Variants in PCNT observed in about 807,000 individuals in gnomAD.
PCNT encodes the protein pericentrin.
Under a neutral mutation model 380.4 loss-of-function variants are expected in PCNT, and 319 were observed. The ratio of observed to expected loss-of-function variants is 0.84; its 90% CI spans 0.77 to 0.92. The LOEUF is 0.92. PCNT is among the 40% of genes least tolerant of loss of function. The probability of loss-of-function intolerance (pLI) is 0.00; values close to 1 mark genes in which losing one functional copy is unlikely to be tolerated. For synonymous variants in PCNT, 1,845 were observed against 1,735.2 expected (o/e 1.06, Z -1.57); for missense variants, 4,400 against 4,255.3 (o/e 1.03, Z -0.95).
At chr21:46,444,293 C>G (rs1001473285) in intron 45 of PCNT, among the ~76,000 whole-genome samples, 3 of 152,082 alleles carry the variant, frequency 2.0e-5, no homozygotes, top group Non-Finnish European at 4.4e-5. Context: ...AAAGGGATAC[C>G]CCTGGTGCTC....
Position 46,363,870 on chromosome 21 carries a change from G to C in PCNT, c.2545G>C (p.Gly849Arg). 1 of 1,612,410 alleles carries C rather than the reference G, an allele frequency of 6.2e-7. No individual in the cohort carries two copies. The change falls in exon 14 of 47, where the codon GGG (glycine) becomes CGG (arginine). Residue 849 changes from glycine to arginine, a missense_variant. Physicochemically the swap from Gly to Arg is moderately radical, Grantham distance 125 (BLOSUM62 -2). Transcript: ENST00000359568. ...GCGGGAGCCGCCCACAGCCCAGGAC[G>C]GGGAGCTTGCTGCGCTCCACGTGAA... ...CGREPPTAQD[G>R]ELAALHVKED...
intron 1 of PCNT, chr21:46,324,885 G>C (rs1601726820): frequency 1.7e-5 from 17 of 985,326 alleles, no homozygotes; most frequent in Non-Finnish European, 1.9e-5. Flanking sequence ...CGCGTTTCTC[G>C]CGGCGTTGCA....
chr21:46,426,870 G>C (rs951071564), intron 33 of PCNT, among the ~76,000 whole-genome samples: 1 of 152,194 alleles, frequency 6.6e-6, no homozygotes, highest in Non-Finnish European at 1.5e-5. Context: ...TGGGATCAAA[G>C]CTTTGTGAGG....
chr21:46,389,512 G>C, intron 19 of PCNT, 81 bp downstream of exon 19: 1 of 1,154,352 alleles, frequency 8.7e-7, no homozygotes. Flanking sequence ...GGTGGATGCC[G>C]GTGCCAACGA....
At chr21:46,375,806 A>G (rs983755569) in intron 15 of PCNT, among the ~76,000 whole-genome samples, 13 of 152,176 alleles carry the variant, frequency 8.5e-5, no homozygotes, top group Admixed American at 1.3e-4. Flanking sequence ...TTTGGCCTCC[A>G]CCACCTCCTA....
At chr21:46,398,820 C>CTTTT (rs11331073) in intron 24 of PCNT, among the ~76,000 whole-genome samples, 2 of 114,560 alleles carry the variant, frequency 1.7e-5, no homozygotes, top group East Asian at 2.5e-4. Context: ...TTTTCTTTTT[C>CTTTT]TTTTTTTTTT....
chr21:46,403,585 C>T (rs2086515287), intron 27 of PCNT, among the ~76,000 whole-genome samples: 1 of 121,566 alleles, frequency 8.2e-6, no homozygotes, highest in Non-Finnish European at 1.7e-5. Context: ...GTGGCACATG[C>T]TCGGTGAGTG....
At chr21:46,389,599 G>A (rs965766978) in intron 19 of PCNT, among the ~76,000 whole-genome samples, 168 bp downstream of exon 19, 3 of 152,274 alleles carry the variant, frequency 2.0e-5, no homozygotes, top group Non-Finnish European at 2.9e-5. Context: ...CTACGAATGA[G>A]AGAATCTGTT....
rs761167163 is a variant in PCNT at position 46,438,421 on chromosome 21, C to T, written c.9273+84C>T. On this transcript the variant is annotated intron_variant, in intron 41 of 46. Transcript: ENST00000359568. ...GCTCCACCCCACAAGAGGCCGGGCT[C>T]CCTTTAGGGACCTGGGGATGTGGGC... The T allele has an allele frequency of 5.5e-4, 693 of 1,261,722 alleles. 3 individuals are homozygous for T. The highest frequency in any genetic ancestry group is 1.6e-3 in the South Asian group (130 of 82,904). 78.2% of individuals were successfully genotyped at this position (1,261,722 alleles called of 1,614,324 possible).
Position 46,390,763 on chromosome 21 carries a change from C to A in PCNT, c.3934C>A (p.Leu1312Met). The A allele has an allele frequency of 3.1e-6, 5 of 1,613,274 alleles. No individual in the cohort carries two copies. Among genetic ancestry groups the A allele is most frequent in the Non-Finnish European group, 8.5e-7 (1 of 1,179,862 alleles). ...TAQVVRKHQELLECLKEESAA... is the reference protein window; with the variant it reads ...TAQVVRKHQEMLECLKEESAA... ...ACAGGTTGTCAGGAAGCACCAGGAGCTGCTGGAGTGTTTGAAGGAGGAGAG... is the reference window on the plus strand; with the variant it reads ...ACAGGTTGTCAGGAAGCACCAGGAGATGCTGGAGTGTTTGAAGGAGGAGAG... Residue 1312 changes from leucine to methionine, a missense_variant, in exon 20 of 47, where the codon CTG (leucine) becomes ATG (methionine). By Grantham distance (15) the Leu-to-Met change is conservative (BLOSUM62 2). Coordinates refer to ENST00000359568, the MANE Select transcript of PCNT (RefSeq NM_006031.6).
At chr21:46,411,159 AT>A (rs1569267760) in intron 27 of PCNT, 29 bp from the exon 28 acceptor site, 1 of 1,610,146 alleles carries the variant, frequency 6.2e-7, no homozygotes, top group Admixed American at 1.7e-5. Context: ...GATACATTTA[AT>A]TTGCCTCTGA....
At chr21:46,372,768 G>T (rs567951138) in intron 15 of PCNT, among the ~76,000 whole-genome samples, 1 of 152,312 alleles carries the variant, frequency 6.6e-6, no homozygotes, top group African/African-American at 2.4e-5. Context: ...TCTTCACGTG[G>T]ACAGCTCTGG....
intron 27 of PCNT, among the ~76,000 whole-genome samples, chr21:46,409,992 C>T (rs970311412): frequency 5.9e-5 from 9 of 152,220 alleles, no homozygotes; most frequent in East Asian, 1.9e-4. Flanking sequence ...TGATTATGAC[C>T]GTCTTCAGTG....
intron 33 of PCNT, among the ~76,000 whole-genome samples, chr21:46,426,844 T>C (rs990392734): frequency 1.3e-5 from 2 of 152,174 alleles, no homozygotes; most frequent in Non-Finnish European, 2.9e-5. Context: ...GTCCTGCCCC[T>C]GTGCCTGCCT....
intron 32 of PCNT, 76 bp downstream of exon 32, chr21:46,422,200 T>C: frequency 6.4e-7 from 1 of 1,572,272 alleles, no homozygotes; most frequent in South Asian, 1.1e-5. Flanking sequence ...GTGTCCTGCC[T>C]TGCCGGGGAG....
chr21:46,444,658 T>G, intron 45 of PCNT, 36 bp from the exon 46 acceptor site: 1 of 1,600,934 alleles, frequency 6.2e-7, no homozygotes, highest in Non-Finnish European at 8.5e-7. Flanking sequence ...TTTTTTTTTT[T>G]TTTTTTCTTC....
intron 27 of PCNT, among the ~76,000 whole-genome samples, chr21:46,409,705 T>G (rs1200930150): frequency 6.6e-6 from 1 of 152,172 alleles, no homozygotes; most frequent in Non-Finnish European, 1.5e-5. Flanking sequence ...GTTTAAGTGA[T>G]TCTCCCACCT....
intron 18 of PCNT, 86 bp from the exon 19 acceptor site, chr21:46,389,113 C>G (rs2085943882): frequency 1.4e-6 from 2 of 1,409,070 alleles, no homozygotes; most frequent in East Asian, 4.7e-5. Flanking sequence ...GTTCTGAGTT[C>G]TGTGGCTTCC....
chr21:46,391,258 G>A lies in PCNT; in HGVS notation c.4098G>A (p.Glu1366=), dbSNP rs1327529631. The A allele has an allele frequency of 1.7e-5, 28 of 1,602,080 alleles. No homozygotes were observed. Among genetic ancestry groups the A allele is most frequent in the Non-Finnish European group, 2.2e-5 (26 of 1,174,844 alleles). ...DSEHRLVLEL[E]SLRRQLQQAA... is the part of the protein sequence containing the mutation. ...AGCACCGTCTGGTGCTGGAGCTGGA[G>A]AGCCTGAGACGGCAGCTGCAGCAGG... The change falls in exon 21 of 47, where the codon GAG becomes GAA. Residue 1366 remains glutamate, a synonymous_variant. Transcript: ENST00000359568.
Sources: gnomAD v4.1 joint callset for allele counts (sites outside exome capture counted in the v4.1 genomes callset) on GRCh38, gnomAD v4.1.1 for gene constraint, MANE v1.5 for transcripts, NCBI Gene and HGNC (gene_info 2026-07-23, HGNC 2026-07-21) for gene names.